The following DPP10 variants were observed in gnomAD, a reference collection of about 807,000 sequenced individuals.
DPP10 encodes dipeptidyl peptidase like 10.
Under a neutral mutation model 120.9 loss-of-function variants are expected in DPP10, and 33 were observed. That is an observed-to-expected ratio of 0.27 (90% CI 0.21 to 0.37). The LOEUF is 0.37. DPP10 is among the 10% of genes least tolerant of loss of function. The pLI, the probability that DPP10 is intolerant of heterozygous loss-of-function variation, is 1.00. For missense variants in DPP10, 816 were observed against 942.8 expected, an observed-to-expected ratio of 0.87 and a Z score of 1.76; for synonymous variants, 337 against 326.1, an observed-to-expected ratio of 1.03 and a Z score of -0.36.
chr2:115,083,237 C>CT (rs563244732), intron 1 of DPP10, among the ~76,000 whole-genome samples: 1 of 152,016 alleles, frequency 6.6e-6, no homozygotes, highest in Non-Finnish European at 1.5e-5. Flanking sequence ...ATCTCCTCCA[C>CT]TTTTTTTTCT....
intron 3 of DPP10, among the ~76,000 whole-genome samples, chr2:115,383,439 G>T (rs2066584148): frequency 6.6e-6 from 1 of 152,128 alleles, no homozygotes; most frequent in Admixed American, 6.5e-5. Flanking sequence ...TCTTACTTTT[G>T]TAAATTGCCC....
At chr2:114,533,425 A>G (rs1267518161) in intron 1 of DPP10, among the ~76,000 whole-genome samples, 1 of 152,116 alleles carries the variant, frequency 6.6e-6, no homozygotes, top group Non-Finnish European at 1.5e-5. Flanking sequence ...GAACACATGG[A>G]CACAGGGAGG....
chr2:115,481,007 A>G (rs1161812576), intron 3 of DPP10, among the ~76,000 whole-genome samples: 1 of 151,680 alleles, frequency 6.6e-6, no homozygotes, highest in East Asian at 1.9e-4. Context: ...GCTAAGTATT[A>G]GAACAATTAT....
At chr2:114,976,571 C>T (rs757798168) in intron 1 of DPP10, among the ~76,000 whole-genome samples, 22 of 152,270 alleles carry the variant, frequency 1.4e-4, no homozygotes, top group Non-Finnish European at 2.9e-4. Context: ...ATCATACTTT[C>T]CTTTTTAAAC....
At chr2:114,798,047 G>C (rs190395288) in intron 1 of DPP10, among the ~76,000 whole-genome samples, 2 of 152,056 alleles carry the variant, frequency 1.3e-5, no homozygotes, top group African/African-American at 2.4e-5. Context: ...TAAGAAAAAC[G>C]ACAGACAAAC....
chr2:115,083,765 C>T (rs554998541), intron 1 of DPP10, among the ~76,000 whole-genome samples: 1 of 152,318 alleles, frequency 6.6e-6, no homozygotes, highest in East Asian at 1.9e-4. Flanking sequence ...AAAGTTATCA[C>T]TAAGTGATTT....
intron 1 of DPP10, among the ~76,000 whole-genome samples, chr2:114,929,762 A>G (rs572062701): frequency 6.6e-5 from 10 of 152,322 alleles, no homozygotes; most frequent in Middle Eastern, 6.8e-3. Context: ...TACGAAGATG[A>G]TGGGATTAAG....
intron 5 of DPP10, among the ~76,000 whole-genome samples, chr2:115,681,793 T>TCTTC (rs61041757): frequency 0.012 from 1,626 of 141,378 alleles, 32 homozygotes; most frequent in African/African-American, 0.038. Flanking sequence ...TCTTTCTTTC[T>TCTTC]CTTCCTTCCT....
chr2:115,774,785 T>A (rs10496505), intron 13 of DPP10, among the ~76,000 whole-genome samples: 33,054 of 152,070 alleles, frequency 0.22, 4,437 homozygotes, highest in Admixed American at 0.37. Context: ...CAAAGGAAGA[T>A]TCTGTTAGTA....
chr2:115,093,910 A>G (rs1709499191), intron 1 of DPP10, among the ~76,000 whole-genome samples: 1 of 152,110 alleles, frequency 6.6e-6, no homozygotes, highest in Admixed American at 6.6e-5. Flanking sequence ...ATTTTCTAAC[A>G]TTAAAAAAAC....
At chr2:114,760,045 T>C (rs1450633089) in intron 1 of DPP10, among the ~76,000 whole-genome samples, 1 of 152,232 alleles carries the variant, frequency 6.6e-6, no homozygotes, top group Non-Finnish European at 1.5e-5. Flanking sequence ...ATTACCACCC[T>C]AATCTGAGCT....
intron 1 of DPP10, among the ~76,000 whole-genome samples, chr2:115,226,342 T>G (rs1027165426): frequency 1.3e-5 from 2 of 152,206 alleles, no homozygotes; most frequent in African/African-American, 4.8e-5. Context: ...TCCGAACTCA[T>G]TTTTGGCTGC....
In DPP10 at chr2:114,689,485, G is replaced by A. The variant is rs552928132; in HGVS notation, c.60+246647G>A. On this transcript the variant is annotated intron_variant, in intron 1 of 25. Transcript: ENST00000410059. The stretch of plus-strand genomic sequence containing the variant: ...CATATTCCTTATTCAATCTATCATT[G>A]ATGGGCATTTAGGTTGATTCCCTGT... Among the ~76,000 whole-genome samples, 15 of 152,072 alleles carry A rather than the reference G, an allele frequency of 9.9e-5. No individual in the cohort carries two copies. In the East Asian group the frequency reaches 2.9e-3, roughly 29 times the overall value.
intron 1 of DPP10, among the ~76,000 whole-genome samples, chr2:114,893,423 T>C (rs1692703189): frequency 6.6e-6 from 1 of 152,076 alleles, no homozygotes; most frequent in African/African-American, 2.4e-5. Context: ...GAACATGGCA[T>C]TTAGGTATGG....
intron 2 of DPP10, among the ~76,000 whole-genome samples, chr2:115,311,109 T>C (rs755151518): frequency 4.6e-5 from 7 of 152,208 alleles, no homozygotes; most frequent in Non-Finnish European, 8.8e-5. Flanking sequence ...CATTTTGTCC[T>C]GCACTTATTC....
chr2:115,300,558 T>C (rs982815918), intron 1 of DPP10, among the ~76,000 whole-genome samples: 4 of 152,196 alleles, frequency 2.6e-5, no homozygotes, highest in African/African-American at 9.6e-5. Context: ...TGTACAAATA[T>C]CTGTTTGCAT....
At chr2:115,345,962 A>G (rs180730902) in intron 3 of DPP10, among the ~76,000 whole-genome samples, 124 of 152,356 alleles carry the variant, frequency 8.1e-4, no homozygotes, top group Non-Finnish European at 1.4e-3. Context: ...TATAATTTTT[A>G]TAAAGAATTT....
chr2:114,448,972 C>T (rs1678101902), intron 1 of DPP10, among the ~76,000 whole-genome samples: 1 of 152,074 alleles, frequency 6.6e-6, no homozygotes, highest in African/African-American at 2.4e-5. Context: ...AGGTTAGAGG[C>T]CTTGCTTTTT....
At position 115,748,860 on chromosome 2, in the gene DPP10, C is replaced by G. The variant is rs926716601; in HGVS notation, c.950+2677C>G. ...TTCTCCTAATTCTTACCCTCATAGTCTCTTCAATTGTTTTATTTATTTATG... is the reference window on the plus strand; with the variant it reads ...TTCTCCTAATTCTTACCCTCATAGTGTCTTCAATTGTTTTATTTATTTATG... On this transcript the variant is annotated intron_variant, in intron 10 of 25. Transcript: ENST00000410059. 7.9e-5 allele frequency among the ~76,000 whole-genome samples: 12 copies of G among 152,210 alleles called. 1 individual carries two copies. The East Asian group carries it at 1.9e-3, about 25-fold the overall frequency.
Sources: allele counts gnomAD v4.1 joint callset (sites outside exome capture counted in the v4.1 genomes callset), GRCh38; gene constraint gnomAD v4.1.1; transcripts MANE v1.5; gene names NCBI Gene and HGNC (gene_info 2026-07-23, HGNC 2026-07-21).